Variants in TRIM71 observed in about 807,000 individuals in gnomAD.
TRIM71 encodes tripartite motif containing 71.
TRIM71 carries 9 observed loss-of-function variants against 61.2 expected under a neutral mutation model. The ratio of observed to expected loss-of-function variants is 0.15; its 90% CI spans 0.09 to 0.26. The LOEUF (loss-of-function observed/expected upper bound fraction) is 0.26, where lower values mean the gene tolerates loss of function less well. Among genes scored for constraint, TRIM71 ranks in the 10% least tolerant of loss-of-function variants. The pLI, the probability that TRIM71 is intolerant of heterozygous loss-of-function variation, is 1.00. For missense variants in TRIM71, 998 were observed against 1,238.7 expected, an observed-to-expected ratio of 0.81 and a Z score of 2.92; for synonymous variants, 645 against 553.2, an observed-to-expected ratio of 1.17 and a Z score of -2.33.
At chr3:32,881,136 A>C (rs1696903359) in intron 2 of TRIM71, among the ~76,000 whole-genome samples, 1 of 152,080 alleles carries the variant, frequency 6.6e-6, no homozygotes, top group East Asian at 1.9e-4. Context: ...TTCCTGCCTC[A>C]GCCTCCTGAG....
rs1697091145 is a variant in TRIM71, at chr3:32,897,458, G to T, written c.*5647G>T. 2 of 152,176 alleles carry T rather than the reference G, an allele frequency of 1.3e-5. No individual in the cohort carries two copies. The highest frequency in any genetic ancestry group is 4.1e-4 in the South Asian group (2 of 4,824). 9.4% of individuals were successfully genotyped at this position (152,176 alleles called of 1,614,324 possible). On this transcript the variant is annotated 3_prime_UTR_variant, in exon 4 of 4. Coordinates refer to ENST00000383763, the MANE Select transcript of TRIM71 (RefSeq NM_001039111.3). Reference sequence around the variant, plus strand: ...CAATGCAGTAGATGGGTGGGGAAATGAAGATTTCCCCCCAAACCTTTAGGC... The same window carrying T: ...CAATGCAGTAGATGGGTGGGGAAATTAAGATTTCCCCCCAAACCTTTAGGC...
In TRIM71 at chr3:32,818,311, G is replaced by C; in HGVS notation, c.231G>C (p.Ala77=). Residue 77 remains alanine, a synonymous_variant, in exon 1 of 4, where the codon GCG becomes GCC. Coordinates refer to ENST00000383763, the MANE Select transcript of TRIM71 (RefSeq NM_001039111.3). The stretch of plus-strand genomic sequence containing the variant: ...GCCTCGAGGCGCACCGGCTGCCGGC[G>C]GCGGGCGGCGGCGCGGCGGGAGAGC... The part of the protein sequence containing the change: ...RPCLEAHRLP[A]AGGGAAGEPL... The C allele has an allele frequency of 7.0e-7, 1 of 1,435,348 alleles. No homozygotes were observed. The highest frequency in any genetic ancestry group is 9.1e-7 in the Non-Finnish European group (1 of 1,099,826). 88.9% of individuals were successfully genotyped at this position (1,435,348 alleles called of 1,614,324 possible). A position where few individuals can be genotyped will look rare whatever the true frequency, so the allele number is the denominator to read the frequency against.
chr3:32,891,007 C>T lies in TRIM71; in HGVS notation c.1803C>T (p.Asp601=). The part of the protein sequence containing the change: ...LPGLSFGSEG[D]SDGKLCRPWG... ...GCCTGAGCTTCGGCAGTGAGGGTGACAGCGATGGCAAGCTCTGCCGCCCTT... is the reference window on the plus strand; with the variant it reads ...GCCTGAGCTTCGGCAGTGAGGGTGATAGCGATGGCAAGCTCTGCCGCCCTT... Residue 601 remains aspartate (D), a synonymous_variant, in exon 4 of 4, where the codon GAC becomes GAT. Transcript: ENST00000383763. This position sits in a 1 kb window ranked among gnomAD's most constrained non-coding sequence, Gnocchi z 8.2. 1.2e-6 allele frequency: 2 copies of T among 1,614,066 alleles called. No individual in the cohort carries two copies. Among genetic ancestry groups the T allele is most frequent in the South Asian group, 2.2e-5 (2 of 91,074 alleles).
chr3:32,888,407 G>A (rs1160464326), intron 3 of TRIM71, among the ~76,000 whole-genome samples: 3 of 123,322 alleles, frequency 2.4e-5, no homozygotes, highest in East Asian at 5.9e-4. Context: ...GAGGCCACCC[G>A]TGGCAACATT....
intron 1 of TRIM71, among the ~76,000 whole-genome samples, chr3:32,844,453 G>A (rs945423505): frequency 6.6e-6 from 1 of 152,124 alleles, no homozygotes; most frequent in East Asian, 1.9e-4. Flanking sequence ...CTAGAGTGCA[G>A]TGGCGTGATC....
intron 1 of TRIM71, among the ~76,000 whole-genome samples, chr3:32,871,209 G>C (rs1391132212): frequency 6.6e-6 from 1 of 152,166 alleles, no homozygotes; most frequent in African/African-American, 2.4e-5. Context: ...GACAGGTCAA[G>C]AGAGGTGATT....
chr3:32,881,935 G>A lies in TRIM71; in HGVS notation c.1021-3999G>A, dbSNP rs1026692994. 7.9e-4 allele frequency among the ~76,000 whole-genome samples: 121 copies of A among 152,298 alleles called. 1 individual carries two copies. Among genetic ancestry groups the A allele is most frequent in the African/African-American group, 2.6e-3 (108 of 41,558 alleles). ...CTCAGCCCAAGGAATATCTTTGCAT[G>A]CTTGCTGATTATTAAAATTGCAACA... On this transcript the variant is annotated intron_variant, in intron 2 of 3. Coordinates refer to ENST00000383763, the MANE Select transcript of TRIM71 (RefSeq NM_001039111.3).
intron 2 of TRIM71, among the ~76,000 whole-genome samples, chr3:32,885,014 GC>G (rs982622891): frequency 6.6e-6 from 1 of 152,072 alleles, no homozygotes; most frequent in Non-Finnish European, 1.5e-5. Context: ...GGGATGACTG[GC>G]CTGGTTTGCC....
At chr3:32,884,231 A>G (rs923522384) in intron 2 of TRIM71, among the ~76,000 whole-genome samples, 5 of 152,140 alleles carry the variant, frequency 3.3e-5, no homozygotes, top group African/African-American at 9.7e-5. Context: ...GATTACAGGC[A>G]TTAGCCTCTG....
Position 32,874,428 on chromosome 3 carries a change from T to C in TRIM71, c.1020+443T>C, listed in dbSNP as rs550310326. ...CCCAGGCTGGAGTGCAGTTGTGTGA[T>C]CTCGGCTAACCACAACCTCCACCTC... On this transcript the variant is annotated intron_variant, in intron 2 of 3. Coordinates refer to ENST00000383763, the MANE Select transcript of TRIM71 (RefSeq NM_001039111.3). 2.0e-5 allele frequency among the ~76,000 whole-genome samples: 3 copies of C among 151,990 alleles called. No individual in the cohort carries two copies. The South Asian group carries it at 6.3e-4, about 32-fold the overall frequency.
intron 2 of TRIM71, among the ~76,000 whole-genome samples, chr3:32,883,236 T>C (rs966111284): frequency 6.6e-6 from 1 of 152,260 alleles, no homozygotes; most frequent in African/African-American, 2.4e-5. Flanking sequence ...TTGGCCATTC[T>C]GATTTTTTAA....
intron 1 of TRIM71, among the ~76,000 whole-genome samples, chr3:32,869,665 C>T (rs1169660470): frequency 6.6e-6 from 1 of 152,248 alleles, no homozygotes; most frequent in Non-Finnish European, 1.5e-5. Context: ...TAACCTCCCT[C>T]CCCCATTCCT....
At chr3:32,834,603 G>A (rs559920683) in intron 1 of TRIM71, among the ~76,000 whole-genome samples, 126 of 152,258 alleles carry the variant, frequency 8.3e-4, no homozygotes, top group Non-Finnish European at 1.5e-3. Context: ...AGGGATGGTG[G>A]GAGGCCGAGG....
Position 32,818,584 on chromosome 3 carries a change from G to A in TRIM71, c.504G>A (p.Pro168=). 1 of 1,299,732 alleles carries A rather than the reference G, an allele frequency of 7.7e-7. No individual in the cohort carries two copies. Among genetic ancestry groups the A allele is most frequent in the Non-Finnish European group, 9.7e-7 (1 of 1,032,534 alleles). The allele number at this position is 1,299,732 out of a possible 1,614,324, so 80.5% of individuals were successfully genotyped here. Residue 168 remains proline (P), a synonymous_variant, in exon 1 of 4, where the codon CCG becomes CCA. Coordinates refer to ENST00000383763, the MANE Select transcript of TRIM71 (RefSeq NM_001039111.3). Reference sequence around the variant, plus strand: ...CGTCCGCCTCCGCGCCGCCACTCCCGCAGGCGCCGCAGCCGCCCGCGCCTT... The same window carrying A: ...CGTCCGCCTCCGCGCCGCCACTCCCACAGGCGCCGCAGCCGCCCGCGCCTT... ...PRASASAPPL[P]QAPQPPAPSR...
At chr3:32,879,128 T>C (rs1696880417) in intron 2 of TRIM71, among the ~76,000 whole-genome samples, 1 of 152,250 alleles carries the variant, frequency 6.6e-6, no homozygotes, top group Admixed American at 6.5e-5. Context: ...TTCAAACTTC[T>C]GCAGCTTCCT....
At chr3:32,826,374 G>A (rs1182488541) in intron 1 of TRIM71, among the ~76,000 whole-genome samples, 1 of 152,116 alleles carries the variant, frequency 6.6e-6, no homozygotes, top group Non-Finnish European at 1.5e-5. Context: ...GGAGGCGGAG[G>A]TTGCAGTGGG....
chr3:32,864,113 C>CTGGA (rs1206360989), intron 1 of TRIM71, among the ~76,000 whole-genome samples: 1 of 152,196 alleles, frequency 6.6e-6, no homozygotes, highest in Non-Finnish European at 1.5e-5. Flanking sequence ...GTTGCCCAAG[C>CTGGA]TGGAGTGCAG....
rs774480490 is a variant in TRIM71 at position 32,891,202 on chromosome 3, G to A, written c.1998G>A (p.Arg666=). 12 of 1,613,332 alleles carry A rather than the reference G, an allele frequency of 7.4e-6. No individual in the cohort carries two copies. Among genetic ancestry groups the A allele is most frequent in the Admixed American group, 6.7e-5 (4 of 59,990 alleles). The change falls in exon 4 of 4, where the codon AGG becomes AGA. Residue 666 remains arginine (R), a synonymous_variant. Transcript: ENST00000383763. The surrounding 1 kb of genome is among the most constrained non-coding windows in gnomAD (Gnocchi z 8.2). ...GCGTGGCCTGTGACGCCTCACGCAG[G>A]ATCGTGGTGGCTGACAAGGACAATC... ...PAGVACDASR[R]IVVADKDNHR...
chr3:32,864,009 T>C (rs938894874), intron 1 of TRIM71, among the ~76,000 whole-genome samples: 2 of 152,162 alleles, frequency 1.3e-5, no homozygotes, highest in Admixed American at 1.3e-4. Flanking sequence ...CTGACAAACA[T>C]CCTGTTGTGT....
Sources: gnomAD v4.1 joint callset for allele counts (sites outside exome capture counted in the v4.1 genomes callset) on GRCh38, gnomAD v4.1.1 for gene constraint, Gnocchi (gnomAD v3.1) non-coding constraint, MANE v1.5 for transcripts, NCBI Gene and HGNC (gene_info 2026-07-23, HGNC 2026-07-21) for gene names.